RAB3GAP2: variants seen among roughly 807,000 people sequenced by gnomAD.
The protein encoded by RAB3GAP2 is rab3 GTPase-activating protein non-catalytic subunit.
Under a neutral mutation model 185.3 loss-of-function variants are expected in RAB3GAP2, and 87 were observed. The observed-to-expected ratio is 0.47, with a 90% CI of 0.39 to 0.56. The LOEUF is 0.56. RAB3GAP2 is among the 20% of genes least tolerant of loss of function. The pLI, the probability that RAB3GAP2 is intolerant of heterozygous loss-of-function variation, is 0.00. For synonymous variants in RAB3GAP2, 554 were observed against 576.1 expected, an observed-to-expected ratio of 0.96 and a Z score of 0.55; for missense variants, 1,492 against 1,638.2, an observed-to-expected ratio of 0.91 and a Z score of 1.54.
chr1:220,265,090 T>A (rs1660206289), intron 1 of RAB3GAP2, among the ~76,000 whole-genome samples: 1 of 152,144 alleles, frequency 6.6e-6, no homozygotes, highest in African/African-American at 2.4e-5. Flanking sequence ...AGTAACTCTA[T>A]ATATTTTCTG....
intron 2 of RAB3GAP2, among the ~76,000 whole-genome samples, chr1:220,219,871 C>A (rs1304454378): frequency 6.6e-6 from 1 of 152,134 alleles, no homozygotes; most frequent in Non-Finnish European, 1.5e-5. Context: ...CTGTAAACAA[C>A]AATGCTCTGG....
In RAB3GAP2 at chr1:220,190,028, C is replaced by A. The variant is rs541440767; in HGVS notation, c.1714+36G>T. The A allele has an allele frequency of 2.1e-6, 3 of 1,458,734 alleles. No homozygotes were observed. The African/African-American group carries it at 4.2e-5, about 20-fold the overall frequency. 90.4% of individuals were successfully genotyped at this position (1,458,734 alleles called of 1,614,324 possible). On this transcript the variant is annotated intron_variant, in intron 16 of 34. Transcript: ENST00000358951. Reference sequence around the variant, plus strand: ...TTTATTGATTTAAAAGATGATAGAACAATATGCTTTATTATTTGTATGAGA... The same window carrying A: ...TTTATTGATTTAAAAGATGATAGAAAAATATGCTTTATTATTTGTATGAGA...
intron 1 of RAB3GAP2, among the ~76,000 whole-genome samples, chr1:220,234,138 T>C (rs1659550789): frequency 6.6e-6 from 1 of 152,242 alleles, no homozygotes; most frequent in African/African-American, 2.4e-5. Context: ...ACTACCTCTA[T>C]CTGGTAGGGT....
chr1:220,150,077 T>C lies in RAB3GAP2; in HGVS notation c.*1174A>G, dbSNP rs1657718787. 6.6e-6 allele frequency: 1 copy of C among 151,376 alleles called. No homozygotes were observed. The highest frequency in any genetic ancestry group is 2.4e-5 in the African/African-American group (1 of 41,064). The allele number at this position is 151,376 out of a possible 1,614,324, so 9.4% of individuals were successfully genotyped here. On this transcript the variant is annotated 3_prime_UTR_variant, in exon 35 of 35. Transcript: ENST00000358951. Reference sequence around the variant, plus strand: ...TATTTGTAGAGCTCAAAGCACTCTTTTACAGAGTTTTGGTTAGTTTGGTTT... The same window carrying C: ...TATTTGTAGAGCTCAAAGCACTCTTCTACAGAGTTTTGGTTAGTTTGGTTT...
intron 1 of RAB3GAP2, chr1:220,254,431 C>T: frequency 1.2e-6 from 2 of 1,612,970 alleles, no homozygotes; most frequent in Non-Finnish European, 1.7e-6. Context: ...TGCTTTATTA[C>T]TCAATTATCT....
chr1:220,187,463 ATAAGGGGG>A (rs1440744813), intron 17 of RAB3GAP2, among the ~76,000 whole-genome samples: 1 of 152,188 alleles, frequency 6.6e-6, no homozygotes, highest in Non-Finnish European at 1.5e-5. Context: ...GAGCTTCAGA[ATAAGGGGG>A]TGGTTACCAG....
At chr1:220,258,025 T>C (rs2667969) in intron 1 of RAB3GAP2, among the ~76,000 whole-genome samples, 69,105 of 151,778 alleles carry the variant, frequency 0.46, 17,759 homozygotes, top group African/African-American at 0.7. Context: ...CACATACATC[T>C]TCCCAAGACT....
At position 220,205,976 on chromosome 1, in the gene RAB3GAP2, C is replaced by T. The variant is rs1658956515; in HGVS notation, c.643G>A (p.Ala215Thr). ...CTAAATCCATCAATAGTCACAATGG[C>T]AGCTGGATATAAGATACTCAACTCT... Reference protein sequence around the residue: ...NEELSILYPAAIVTIDGFSLF... With the variant: ...NEELSILYPATIVTIDGFSLF... The change falls in exon 8 of 35, where the codon GCC becomes ACC. Residue 215 changes from alanine to threonine, a missense_variant. Around this residue, in one of 5 missense-constraint regions of RAB3GAP2, gnomAD observed 243 missense variants for 314.8 expected, o/e 0.77. Coordinates refer to ENST00000358951, the MANE Select transcript of RAB3GAP2 (RefSeq NM_012414.4). 1 of 1,609,552 alleles carries T rather than the reference C, an allele frequency of 6.2e-7. No homozygotes were observed. Among genetic ancestry groups the T allele is most frequent in the African/African-American group, 1.3e-5 (1 of 74,822 alleles).
At chr1:220,206,040 T>C (rs766932796) in intron 7 of RAB3GAP2, 34 bp from the exon 8 acceptor site, 11 of 1,327,880 alleles carry the variant, frequency 8.3e-6, no homozygotes, top group Non-Finnish European at 1.1e-5. Flanking sequence ...AGTTCTTGAA[T>C]AGATAAATAA....
intron 1 of RAB3GAP2, among the ~76,000 whole-genome samples, chr1:220,268,545 C>T (rs1166604765): frequency 6.6e-6 from 1 of 152,158 alleles, no homozygotes; most frequent in East Asian, 1.9e-4. Flanking sequence ...CTACAAAGTA[C>T]ACATTGCTTT....
intron 1 of RAB3GAP2, among the ~76,000 whole-genome samples, chr1:220,257,983 G>T (rs565303554): frequency 4.6e-5 from 7 of 152,138 alleles, no homozygotes; most frequent in South Asian, 2.1e-4. Context: ...AAATAAGGTA[G>T]AAAATCTATA....
chr1:220,191,525 A>G (rs1452357597), intron 13 of RAB3GAP2, among the ~76,000 whole-genome samples: 2 of 152,180 alleles, frequency 1.3e-5, no homozygotes, highest in Non-Finnish European at 2.9e-5. Context: ...TTCTCTTTAA[A>G]AAGAAAATAT....
At chr1:220,213,730 G>GA (rs1558158002) in intron 3 of RAB3GAP2, 126 bp downstream of exon 3, 4 of 851,438 alleles carry the variant, frequency 4.7e-6, no homozygotes, top group African/African-American at 6.2e-5. Context: ...CGGAGGAGGA[G>GA]TTGGGGGGGG....
chr1:220,164,072 AT>A lies in RAB3GAP2; in HGVS notation c.3154+660del, dbSNP rs1658017385. ...AATGGAATCTGTTTACAAGTTCAATATTTTTTCAAGGAGGCATCAGTAGTTG... is the reference window on the plus strand; with the variant it reads ...AATGGAATCTGTTTACAAGTTCAATATTTTTCAAGGAGGCATCAGTAGTTG... On this transcript the variant is annotated intron_variant, in intron 27 of 34. Transcript: ENST00000358951. Among the ~76,000 whole-genome samples the A allele has an allele frequency of 4.6e-5, 7 of 152,182 alleles. No individual in the cohort carries two copies. In the South Asian group the frequency reaches 1.5e-3, roughly 32 times the overall value.
intron 1 of RAB3GAP2, among the ~76,000 whole-genome samples, chr1:220,251,575 A>G (rs1456074787): frequency 6.6e-6 from 1 of 152,224 alleles, no homozygotes; most frequent in Non-Finnish European, 1.5e-5. Context: ...TAAAGCCATG[A>G]TATACCATTT....
Position 220,189,708 on chromosome 1 carries a change from T to C in RAB3GAP2, c.1774A>G (p.Lys592Glu), listed in dbSNP as rs1295589941. The change falls in exon 17 of 35, where the codon AAA (lysine) becomes GAA (glutamate). Residue 592 changes from lysine (K) to glutamate (E), a missense_variant. Lys to Glu is a moderately conservative substitution (Grantham distance 56). Transcript: ENST00000358951. ...ILDIKYPATK[K>E]QALESILASE... is the part of the protein sequence containing the mutation. ...CGTGTATTATATACACTTACTTGTTTTTTGGTTGCAGGGTATTTAATATCA... is the reference window on the plus strand; with the variant it reads ...CGTGTATTATATACACTTACTTGTTCTTTGGTTGCAGGGTATTTAATATCA... 3.2e-6 allele frequency: 5 copies of C among 1,564,260 alleles called. No individual in the cohort carries two copies. Among genetic ancestry groups the C allele is most frequent in the Non-Finnish European group, 4.4e-6 (5 of 1,143,076 alleles).
chr1:220,244,512 A>G (rs1022365947), intron 1 of RAB3GAP2, among the ~76,000 whole-genome samples: 11 of 152,214 alleles, frequency 7.2e-5, no homozygotes, highest in Non-Finnish European at 1.6e-4. Context: ...TGCAATTTCC[A>G]TCAAAATACC....
At chr1:220,211,206 T>A in intron 4 of RAB3GAP2, 1 of 687,310 alleles carries the variant, frequency 1.5e-6, no homozygotes, top group South Asian at 1.6e-5. Context: ...GCCACATGCA[T>A]TTGAGGTTAA....
In RAB3GAP2 at chr1:220,158,811, G is replaced by A. The variant is rs1277402505; in HGVS notation, c.3261+575C>T. ...CCAAAGCAAATAATTCAGTGTTTGTGGGTACATGCACACACACATGCATGC... is the reference window on the plus strand; with the variant it reads ...CCAAAGCAAATAATTCAGTGTTTGTAGGTACATGCACACACACATGCATGC... On this transcript the variant is annotated intron_variant, in intron 29 of 34. Transcript: ENST00000358951. This position sits in a 1 kb window ranked among gnomAD's most constrained non-coding sequence, Gnocchi z 4.3. 1.3e-5 allele frequency among the ~76,000 whole-genome samples: 2 copies of A among 151,870 alleles called. No homozygotes were observed. Among genetic ancestry groups the A allele is most frequent in the Non-Finnish European group, 2.9e-5 (2 of 67,996 alleles).
Sources: gnomAD v4.1 joint callset for allele counts (sites outside exome capture counted in the v4.1 genomes callset) on GRCh38, gnomAD v4.1.1 for gene constraint, gnomAD v4.1.1 regional missense constraint, Gnocchi (gnomAD v3.1) non-coding constraint, MANE v1.5 for transcripts, NCBI Gene and HGNC (gene_info 2026-07-23, HGNC 2026-07-21) for gene names.